AFM: variants seen among roughly 807,000 people sequenced by gnomAD.
The protein encoded by AFM is alpha-Alb.
A neutral mutation model predicts 68.7 loss-of-function variants in AFM; 82 were observed. The ratio of observed to expected loss-of-function variants is 1.19; its 90% CI spans 1.00 to 1.43. The LOEUF (loss-of-function observed/expected upper bound fraction) is 1.43. Among genes scored for constraint, AFM ranks in the 40% most tolerant of loss-of-function variants. The pLI, the probability that AFM is intolerant of heterozygous loss-of-function variation, is 0.00. For missense variants in AFM, 772 were observed against 701.8 expected, an observed-to-expected ratio of 1.10 and a Z score of -1.13; for synonymous variants, 250 against 234.2, an observed-to-expected ratio of 1.07 and a Z score of -0.61.
At position 73,496,145 on chromosome 4, in the gene AFM, A is replaced by G. The variant is rs890863278; in HGVS notation, c.1191+713A>G. ...CACAAGAGGCCAGAAGCCTGAAATGAGTCTCATGGGGCTAACATCAGGTGT... is the reference window on the plus strand; with the variant it reads ...CACAAGAGGCCAGAAGCCTGAAATGGGTCTCATGGGGCTAACATCAGGTGT... On this transcript the variant is annotated intron_variant, in intron 9 of 14. Transcript: ENST00000226355. Among the ~76,000 whole-genome samples the G allele has an allele frequency of 3.3e-5, 5 of 152,330 alleles. No individual in the cohort carries two copies. In the East Asian group the frequency reaches 5.8e-4, roughly 18 times the overall value.
At chr4:73,485,818 C>A in intron 3 of AFM, 44 bp from the exon 4 acceptor site, 1 of 1,522,368 alleles carries the variant, frequency 6.6e-7, no homozygotes, top group Non-Finnish European at 9.1e-7. Context: ...AGAAGCTTTA[C>A]TTTACCATGA....
chr4:73,496,889 A>AT (rs892972445), intron 9 of AFM, among the ~76,000 whole-genome samples: 6 of 151,852 alleles, frequency 4.0e-5, no homozygotes, highest in African/African-American at 7.3e-5. Flanking sequence ...TTAGCAAAAC[A>AT]TTTTTTTTCA....
intron 7 of AFM, among the ~76,000 whole-genome samples, chr4:73,491,130 C>T (rs968247280): frequency 6.6e-6 from 1 of 152,064 alleles, no homozygotes; most frequent in African/African-American, 2.4e-5. Context: ...TCTGGAAGGG[C>T]CCAGAACAGT....
chr4:73,486,140 T>C (rs1720896680), intron 4 of AFM, 67 bp downstream of exon 4: 2 of 1,288,252 alleles, frequency 1.6e-6, no homozygotes, highest in South Asian at 1.3e-5. Flanking sequence ...CTAATATCTA[T>C]CTCAAATAAA....
intron 7 of AFM, among the ~76,000 whole-genome samples, chr4:73,490,386 T>C (rs1186022044): frequency 6.6e-6 from 1 of 151,020 alleles, no homozygotes; most frequent in Non-Finnish European, 1.5e-5. Flanking sequence ...TATTTTTGTA[T>C]TGCTTGATTG....
At chr4:73,489,195 G>A (rs1385811835) in intron 7 of AFM, among the ~76,000 whole-genome samples, 1 of 152,056 alleles carries the variant, frequency 6.6e-6, no homozygotes, top group Non-Finnish European at 1.5e-5. Context: ...TTCCAAATAA[G>A]TGGATACATT....
At chr4:73,487,447 G>C (rs1720931265) in intron 5 of AFM, among the ~76,000 whole-genome samples, 1 of 152,172 alleles carries the variant, frequency 6.6e-6, no homozygotes, top group Admixed American at 6.5e-5. Context: ...TATAATCTCA[G>C]TAGGGATGGC....
chr4:73,492,373 C>T (rs776955630), intron 8 of AFM, among the ~76,000 whole-genome samples: 2 of 152,118 alleles, frequency 1.3e-5, no homozygotes, highest in African/African-American at 4.8e-5. Context: ...AGCAATCATA[C>T]AAAATAAGTA....
intron 7 of AFM, among the ~76,000 whole-genome samples, chr4:73,491,048 T>C (rs1721055773): frequency 6.6e-6 from 1 of 152,228 alleles, no homozygotes; most frequent in African/African-American, 2.4e-5. Context: ...GTCTAGTGTG[T>C]TGCTGTAACT....
intron 9 of AFM, among the ~76,000 whole-genome samples, chr4:73,496,960 C>T (rs1229391721): frequency 1.3e-5 from 2 of 152,038 alleles, no homozygotes; most frequent in Non-Finnish European, 2.9e-5. Context: ...GACTTGGATC[C>T]CTGCTCTGTA....
At chr4:73,494,818 T>C (rs1027745268) in intron 8 of AFM, among the ~76,000 whole-genome samples, 1 of 152,172 alleles carries the variant, frequency 6.6e-6, no homozygotes, top group African/African-American at 2.4e-5. Context: ...GCTGAAGGCG[T>C]AAACACTCCC....
At position 73,497,785 on chromosome 4, in the gene AFM, C is replaced by T. The variant is rs769986641; in HGVS notation, c.1289+36C>T. ...TGCACAAGTGGGCTAACACTTGCCA[C>T]TAGAATTGAATACATAATCCCTCGA... On this transcript the variant is annotated intron_variant, in intron 10 of 14. Coordinates refer to ENST00000226355, the MANE Select transcript of AFM (RefSeq NM_001133.2). 3.0e-6 allele frequency: 4 copies of T among 1,325,712 alleles called. No individual in the cohort carries two copies. In the South Asian group the frequency reaches 5.3e-5, roughly 18 times the overall value. The allele number at this position is 1,325,712 out of a possible 1,614,324, so 82.1% of individuals were successfully genotyped here.
At chr4:73,484,223 A>T in intron 2 of AFM, 35 bp from the exon 3 acceptor site, 1 of 1,573,868 alleles carries the variant, frequency 6.4e-7, no homozygotes, top group Non-Finnish European at 8.6e-7. Flanking sequence ...AAACTCTGCA[A>T]CTGATCTTTG....
At position 73,500,008 on chromosome 4, in the gene AFM, AT is replaced by A; in HGVS notation, c.1430del (p.Leu477Ter). 1 of 1,613,712 alleles carries A rather than the reference AT, an allele frequency of 6.2e-7. No homozygotes were observed. Among genetic ancestry groups the A allele is most frequent in the Non-Finnish European group, 8.5e-7 (1 of 1,179,746 alleles). ...EEFACVDNLADLVFGELCGVN... is the reference protein window; with the variant it reads ...EEFACVDNLAXLVFGELCGVN... Reference sequence around the variant, plus strand: ...TTGCAACTCTTGTTGGTACAGGCAGATTTAGTTTTTGGAGAGTTATGTGGAG... The same window carrying A: ...TTGCAACTCTTGTTGGTACAGGCAGATTAGTTTTTGGAGAGTTATGTGGAG... On this transcript the variant is annotated frameshift_variant, in exon 12 of 15. Transcript: ENST00000226355. LOFTEE classifies it high-confidence loss of function.
intron 3 of AFM, among the ~76,000 whole-genome samples, chr4:73,484,758 A>T (rs959657576): frequency 6.6e-6 from 1 of 151,908 alleles, no homozygotes; most frequent in Admixed American, 6.6e-5. Context: ...CCTGGTCTCA[A>T]ACTCCTGACC....
chr4:73,487,301 T>A (rs931396129), intron 5 of AFM, among the ~76,000 whole-genome samples: 3 of 152,222 alleles, frequency 2.0e-5, no homozygotes, highest in Admixed American at 1.3e-4. Flanking sequence ...AGCCAGTCAT[T>A]TTCAGGGTCT....
chr4:73,482,213 ATTTTT>A (rs1720733585), intron 1 of AFM, among the ~76,000 whole-genome samples: 1 of 152,152 alleles, frequency 6.6e-6, no homozygotes, highest in African/African-American at 2.4e-5. Flanking sequence ...GTTAACTGGG[ATTTTT>A]CTGGAACCTT....
chr4:73,487,182 A>G (rs1335364092), intron 5 of AFM, 83 bp downstream of exon 5: 2 of 1,446,866 alleles, frequency 1.4e-6, no homozygotes, highest in East Asian at 2.4e-5. Context: ...TTATAGCAAA[A>G]GGCTTGCTTA....
In AFM at chr4:73,493,455, A is replaced by G. The variant is rs559362527; in HGVS notation, c.1058+1369A>G. 3.3e-5 allele frequency among the ~76,000 whole-genome samples: 5 copies of G among 152,298 alleles called. No homozygotes were observed. The South Asian group carries it at 8.3e-4, about 25-fold the overall frequency. On this transcript the variant is annotated intron_variant, in intron 8 of 14. Coordinates refer to ENST00000226355, the MANE Select transcript of AFM (RefSeq NM_001133.2). ...AGTAGAATAACTAATTGGAACTATC[A>G]GAAGAGAATTTTATATGTGAACCTG... is the stretch of plus-strand genomic sequence containing the variant.
Sources: allele counts gnomAD v4.1 joint callset (sites outside exome capture counted in the v4.1 genomes callset), GRCh38; gene constraint gnomAD v4.1.1; transcripts MANE v1.5; gene names NCBI Gene and HGNC (gene_info 2026-07-23, HGNC 2026-07-21).